CNTN3: variants seen among roughly 807,000 people sequenced by gnomAD.
CNTN3 encodes the protein contactin-3.
CNTN3 carries 60 observed loss-of-function variants against 119.1 expected under a neutral mutation model. The ratio of observed to expected loss-of-function variants is 0.50; its 90% CI spans 0.41 to 0.62. The LOEUF (loss-of-function observed/expected upper bound fraction) is 0.62, where lower values mean the gene tolerates loss of function less well. Among genes scored for constraint, CNTN3 ranks in the 20% least tolerant of loss-of-function variants. The probability of loss-of-function intolerance (pLI) is 0.00; values close to 1 mark genes in which losing one functional copy is unlikely to be tolerated. For synonymous variants in CNTN3, 450 were observed against 438.7 expected (o/e 1.03, Z -0.32); for missense variants, 1,101 against 1,242.4 (o/e 0.89, Z 1.71).
At chr3:74,403,283 C>A (rs1705242477) in intron 5 of CNTN3, among the ~76,000 whole-genome samples, 1 of 152,064 alleles carries the variant, frequency 6.6e-6, no homozygotes, top group South Asian at 2.1e-4. Context: ...AGAGGAATTG[C>A]TGACAGAATA....
At chr3:74,506,005 T>C (rs1036729803) in intron 2 of CNTN3, among the ~76,000 whole-genome samples, 33 of 152,076 alleles carry the variant, frequency 2.2e-4, no homozygotes, top group African/African-American at 8.0e-4. Context: ...GACCTAGAAA[T>C]AAATGTTCAA....
intron 4 of CNTN3, among the ~76,000 whole-genome samples, chr3:74,465,754 C>T (rs1028651355): frequency 3.3e-5 from 5 of 152,128 alleles, no homozygotes; most frequent in Non-Finnish European, 5.9e-5. Flanking sequence ...GACACCAGGT[C>T]GCAGGGCTGT....
intron 1 of CNTN3, among the ~76,000 whole-genome samples, chr3:74,581,103 C>CT (rs1704497549): frequency 1.3e-5 from 2 of 152,156 alleles, no homozygotes; most frequent in African/African-American, 4.8e-5. Context: ...CTCAATATTT[C>CT]TACTCACCAT....
At chr3:74,353,431 G>C (rs183779121) in intron 11 of CNTN3, among the ~76,000 whole-genome samples, 168 of 152,308 alleles carry the variant, frequency 1.1e-3, no homozygotes, top group African/African-American at 3.3e-3. Context: ...GATCAGGGTG[G>C]AGATGAATGT....
intron 11 of CNTN3, among the ~76,000 whole-genome samples, chr3:74,347,404 G>T (rs1703717929): frequency 6.6e-6 from 1 of 151,980 alleles, no homozygotes; most frequent in South Asian, 2.1e-4. Context: ...AACATGCCTG[G>T]GTAATTTTTT....
intron 4 of CNTN3, among the ~76,000 whole-genome samples, chr3:74,450,944 T>C (rs1702142073): frequency 1.3e-5 from 2 of 152,114 alleles, no homozygotes; most frequent in Admixed American, 1.3e-4. Flanking sequence ...TCCAAGTCTT[T>C]GCTACTGTGA....
chr3:74,372,467 G>A (rs1176391203), intron 5 of CNTN3, among the ~76,000 whole-genome samples: 1 of 151,998 alleles, frequency 6.6e-6, no homozygotes, highest in African/African-American at 2.4e-5. Flanking sequence ...GTGCCAAGTT[G>A]AGATTTAAGC....
chr3:74,372,359 G>A (rs1391412655), intron 5 of CNTN3, among the ~76,000 whole-genome samples: 1 of 152,068 alleles, frequency 6.6e-6, no homozygotes, highest in Non-Finnish European at 1.5e-5. Flanking sequence ...TGGCCAAGGT[G>A]AATCAGTTTT....
chr3:74,324,460 G>A lies in CNTN3; in HGVS notation c.1668+10275C>T, dbSNP rs183233249. 2.6e-5 allele frequency among the ~76,000 whole-genome samples: 4 copies of A among 152,264 alleles called. No individual in the cohort carries two copies. In the East Asian group the frequency reaches 7.7e-4, roughly 29 times the overall value. Reference sequence around the variant, plus strand: ...AGCCTCCCAAAGTGCTGGAATTACAGGCTGAGCCACCACGCTCGGCCAAAG... The same window carrying A: ...AGCCTCCCAAAGTGCTGGAATTACAAGCTGAGCCACCACGCTCGGCCAAAG... On this transcript the variant is annotated intron_variant, in intron 13 of 22. Coordinates refer to ENST00000263665, the MANE Select transcript of CNTN3 (RefSeq NM_020872.3).
At chr3:74,490,523 T>C (rs1188441864) in intron 3 of CNTN3, among the ~76,000 whole-genome samples, 4 of 152,174 alleles carry the variant, frequency 2.6e-5, no homozygotes, top group African/African-American at 7.2e-5. Context: ...TAAAAAAATA[T>C]GGAGAAGCAC....
chr3:74,347,755 G>C (rs2106740529), intron 11 of CNTN3, among the ~76,000 whole-genome samples: 1 of 152,260 alleles, frequency 6.6e-6, no homozygotes, highest in Middle Eastern at 3.4e-3. Flanking sequence ...TCCAAAAGGT[G>C]AACACAGTAT....
intron 1 of CNTN3, among the ~76,000 whole-genome samples, chr3:74,545,970 G>C (rs1003593996): frequency 6.6e-6 from 1 of 151,816 alleles, no homozygotes; most frequent in African/African-American, 2.4e-5. Context: ...TTCTTAATTT[G>C]GTTTCATTTC....
chr3:74,494,722 T>C (rs1313885923), intron 3 of CNTN3, among the ~76,000 whole-genome samples: 1 of 152,152 alleles, frequency 6.6e-6, no homozygotes, highest in Admixed American at 6.6e-5. Flanking sequence ...TTTACCTTTA[T>C]ACCACTTTGT....
chr3:74,503,171 C>A (rs1420761209), intron 2 of CNTN3, among the ~76,000 whole-genome samples: 2 of 152,170 alleles, frequency 1.3e-5, no homozygotes, highest in African/African-American at 4.8e-5. Flanking sequence ...GACCTGATAT[C>A]AACCCTAGTC....
intron 20 of CNTN3, 149 bp downstream of exon 20, chr3:74,285,156 G>T: frequency 1.3e-6 from 1 of 772,052 alleles, no homozygotes; most frequent in Non-Finnish European, 2.0e-6. Context: ...GGGTTTTGGA[G>T]TTGGGTTTTG....
intron 11 of CNTN3, among the ~76,000 whole-genome samples, chr3:74,347,085 T>A (rs1703709228): frequency 6.6e-6 from 1 of 152,164 alleles, no homozygotes; most frequent in Non-Finnish European, 1.5e-5. Context: ...TAAGAATTAT[T>A]CCCACACAGG....
At position 74,424,067 on chromosome 3, in the gene CNTN3, T is replaced by C. The variant is rs1399199374; in HGVS notation, c.454+778A>G. Among the ~76,000 whole-genome samples, 3 of 152,278 alleles carry C rather than the reference T, an allele frequency of 2.0e-5. No individual in the cohort carries two copies. In the East Asian group the frequency reaches 5.8e-4, roughly 29 times the overall value. On this transcript the variant is annotated intron_variant, in intron 5 of 22. Transcript: ENST00000263665. ...TCTAACTTGTTTATCTCCCAATAAT[T>C]CTCATCCTCTCAATAACAAAATACG...
chr3:74,344,465 C>G (rs1256272773), intron 11 of CNTN3, among the ~76,000 whole-genome samples: 1 of 117,394 alleles, frequency 8.5e-6, no homozygotes, highest in Non-Finnish European at 1.6e-5. Flanking sequence ...TCACTCTGTC[C>G]CCCAGGCTGG....
chr3:74,466,291 C>A (rs1382314309), intron 4 of CNTN3, among the ~76,000 whole-genome samples: 1 of 152,102 alleles, frequency 6.6e-6, no homozygotes, highest in Non-Finnish European at 1.5e-5. Context: ...CACTTTCTTG[C>A]ACACGGACTC....
Sources: allele counts gnomAD v4.1 joint callset (sites outside exome capture counted in the v4.1 genomes callset), GRCh38; gene constraint gnomAD v4.1.1; transcripts MANE v1.5; gene names NCBI Gene and HGNC (gene_info 2026-07-23, HGNC 2026-07-21).